SDC2: variants seen among roughly 807,000 people sequenced by gnomAD.
The protein encoded by SDC2 is syndecan 2.
SDC2 carries 13 observed loss-of-function variants against 22.2 expected under a neutral mutation model. The observed-to-expected ratio is 0.59, with a 90% CI of 0.38 to 0.93. The LOEUF is 0.93. SDC2 is among the 40% of genes least tolerant of loss of function. The pLI is 0.00. For synonymous variants in SDC2, 94 were observed against 92.8 expected, an observed-to-expected ratio of 1.01 and a Z score of -0.07; for missense variants, 235 against 246.8, an observed-to-expected ratio of 0.95 and a Z score of 0.32.
chr8:96,524,981 C>T (rs548152269), intron 1 of SDC2, among the ~76,000 whole-genome samples: 57 of 152,186 alleles, frequency 3.7e-4, no homozygotes, highest in African/African-American at 1.3e-3. Flanking sequence ...CATTATTTGT[C>T]GGGTTACATG....
intron 1 of SDC2, among the ~76,000 whole-genome samples, chr8:96,516,590 C>T (rs981566945): frequency 6.6e-6 from 1 of 151,794 alleles, no homozygotes; most frequent in African/African-American, 2.4e-5. Flanking sequence ...CTTTTCATTC[C>T]ACTCACTTCA....
Position 96,494,313 on chromosome 8 carries a change from C to T in SDC2, c.42C>T (p.Ala14=). The change falls in exon 1 of 5, where the codon GCC becomes GCT. Residue 14 remains alanine (A), a synonymous_variant. Transcript: ENST00000302190. ...TCCTGCTCACCTTGGGCTTGGTGGC[C>T]TGCGTGTCGGCGGAGTCGGTGAGTG... ...AWILLTLGLV[A]CVSAESRAEL... is the part of the protein sequence containing the mutation. 11 of 1,545,374 alleles carry T rather than the reference C, an allele frequency of 7.1e-6. No individual in the cohort carries two copies. The highest frequency in any genetic ancestry group is 8.7e-6 in the Non-Finnish European group (10 of 1,149,368).
At chr8:96,549,512 C>T (rs188311319) in intron 1 of SDC2, among the ~76,000 whole-genome samples, 2 of 152,274 alleles carry the variant, frequency 1.3e-5, no homozygotes, top group East Asian at 1.9e-4. Context: ...GTCTCTGATA[C>T]AGCTGGTAGG....
intron 1 of SDC2, among the ~76,000 whole-genome samples, chr8:96,552,781 G>A (rs1218335297): frequency 6.6e-6 from 1 of 152,136 alleles, no homozygotes; most frequent in Non-Finnish European, 1.5e-5. Flanking sequence ...ATTGTTGAGT[G>A]TATTTAGTTA....
In SDC2 at chr8:96,609,569, A is replaced by G. The variant is rs1563681093; in HGVS notation, c.*21A>G. ...CGTAAAACTCCAACTTAGTGTCTCT[A>G]TTTATGAGATCACTGAACTTTTCAA... On this transcript the variant is annotated 3_prime_UTR_variant, in exon 5 of 5. Coordinates refer to ENST00000302190, the MANE Select transcript of SDC2 (RefSeq NM_002998.4). 4 of 1,525,016 alleles carry G rather than the reference A, an allele frequency of 2.6e-6. No individual in the cohort carries two copies. Among genetic ancestry groups the G allele is most frequent in the Non-Finnish European group, 3.5e-6 (4 of 1,129,050 alleles). The allele number at this position is 1,525,016 out of a possible 1,614,324, so 94.5% of individuals were successfully genotyped here. A position where few individuals can be genotyped will look rare whatever the true frequency, so the allele number is the denominator to read the frequency against.
At chr8:96,596,772 C>T (rs2575714) in intron 2 of SDC2, among the ~76,000 whole-genome samples, 4 of 152,004 alleles carry the variant, frequency 2.6e-5, no homozygotes, top group East Asian at 1.9e-4. Context: ...TAAGGACAAA[C>T]GAAACAGTAA....
intron 1 of SDC2, among the ~76,000 whole-genome samples, chr8:96,557,103 A>G (rs200157333): frequency 0.025 from 3,722 of 149,784 alleles, 45 homozygotes; most frequent in East Asian, 0.042. Context: ...TAGAATGGCA[A>G]TCATTAAAAA....
intron 1 of SDC2, among the ~76,000 whole-genome samples, chr8:96,526,008 T>C (rs987858413): frequency 6.6e-6 from 1 of 152,146 alleles, no homozygotes; most frequent in Non-Finnish European, 1.5e-5. Flanking sequence ...AGACCTTGAA[T>C]GGAGGCTTAT....
intron 1 of SDC2, among the ~76,000 whole-genome samples, chr8:96,570,009 T>G (rs1814365197): frequency 6.6e-6 from 1 of 152,204 alleles, no homozygotes; most frequent in Non-Finnish European, 1.5e-5. Flanking sequence ...CAAAATATAT[T>G]CGTGTGATTT....
chr8:96,559,498 A>T (rs182443701), intron 1 of SDC2, among the ~76,000 whole-genome samples: 3 of 152,282 alleles, frequency 2.0e-5, no homozygotes, highest in Admixed American at 2.0e-4. Flanking sequence ...AGTTTAAAGA[A>T]GCTTGACTTG....
At chr8:96,591,101 C>T (rs1451021185) in intron 1 of SDC2, among the ~76,000 whole-genome samples, 1 of 152,192 alleles carries the variant, frequency 6.6e-6, no homozygotes, top group Non-Finnish European at 1.5e-5. Flanking sequence ...GGTAGCATGA[C>T]AGATGTGTTA....
intron 1 of SDC2, among the ~76,000 whole-genome samples, chr8:96,511,726 G>A (rs2130441882): frequency 6.6e-6 from 1 of 151,920 alleles, no homozygotes; most frequent in African/African-American, 2.4e-5. Flanking sequence ...TTTTGGTTCA[G>A]ATAATGGAAG....
intron 1 of SDC2, among the ~76,000 whole-genome samples, chr8:96,497,124 C>T (rs1813089099): frequency 6.6e-6 from 1 of 150,834 alleles, no homozygotes; most frequent in South Asian, 2.1e-4. Flanking sequence ...TCTTAGATGT[C>T]TGTAAATTAA....
chr8:96,586,479 A>G (rs2130618853), intron 1 of SDC2: 1 of 152,410 alleles, frequency 6.6e-6, no homozygotes, highest in East Asian at 1.9e-4. Flanking sequence ...TCTCAGTGGT[A>G]TAAGAAGAGC....
At chr8:96,515,739 G>T (rs1260608288) in intron 1 of SDC2, among the ~76,000 whole-genome samples, 1 of 152,096 alleles carries the variant, frequency 6.6e-6, no homozygotes, top group East Asian at 1.9e-4. Context: ...TGAGGCCACG[G>T]GTATTGTATT....
At chr8:96,557,608 C>T (rs1814138511) in intron 1 of SDC2, among the ~76,000 whole-genome samples, 1 of 150,256 alleles carries the variant, frequency 6.7e-6, no homozygotes, top group South Asian at 2.1e-4. Context: ...GGGAATATCA[C>T]ACTCTGGGGA....
At chr8:96,608,871 T>C (rs1447862825) in intron 4 of SDC2, among the ~76,000 whole-genome samples, 3 of 152,188 alleles carry the variant, frequency 2.0e-5, no homozygotes, top group Non-Finnish European at 2.9e-5. Context: ...CCCAAAGTGT[T>C]AAGAACGTTG....
rs558230752 is a variant in SDC2, at chr8:96,554,632, G to A, written c.61-38848G>A. ...ATCATCAGTTGACAATGATGGGACA[G>A]AGATGGCTCAAGGATGTTGGGCACC... On this transcript the variant is annotated intron_variant, in intron 1 of 4. Transcript: ENST00000302190. Among the ~76,000 whole-genome samples the A allele has an allele frequency of 5.9e-5, 9 of 152,354 alleles. No homozygotes were observed. The South Asian group carries it at 8.3e-4, about 14-fold the overall frequency.
intron 1 of SDC2, among the ~76,000 whole-genome samples, chr8:96,520,395 A>C (rs1473314): frequency 0.15 from 22,632 of 152,078 alleles, 1,895 homozygotes; most frequent in Non-Finnish European, 0.18. Flanking sequence ...CTGCTGCTTC[A>C]CTCACTCTTA....
Sources: gnomAD v4.1 joint callset for allele counts (sites outside exome capture counted in the v4.1 genomes callset) on GRCh38, gnomAD v4.1.1 for gene constraint, MANE v1.5 for transcripts, NCBI Gene and HGNC (gene_info 2026-07-23, HGNC 2026-07-21) for gene names.